The following CELF2 variants were observed in gnomAD, a reference collection of about 807,000 sequenced individuals.
CELF2 encodes CUGBP Elav-like family member 2, also known as CUG triplet repeat RNA-binding protein 2.
A neutral mutation model predicts 62.6 loss-of-function variants in CELF2; 8 were observed. That is an observed-to-expected ratio of 0.13 (90% confidence interval 0.07 to 0.23). The LOEUF is 0.23. Among genes scored for constraint, CELF2 ranks in the 10% least tolerant of loss-of-function variants. The pLI is 1.00. For missense variants in CELF2, 333 were observed against 671.0 expected, an observed-to-expected ratio of 0.50 and a Z score of 5.56; for synonymous variants, 258 against 250.0, an observed-to-expected ratio of 1.03 and a Z score of -0.30.
chr10:10,939,951 C>G (rs2046872713), intron 2 of CELF2, among the ~76,000 whole-genome samples: 1 of 152,094 alleles, frequency 6.6e-6, no homozygotes, highest in Non-Finnish European at 1.5e-5. Context: ...GAGGCTCCAT[C>G]TCAAAAAATA....
the CELF2 span, among the ~76,000 whole-genome samples, chr10:10,578,471 C>A: frequency 6.6e-6 from 1 of 152,108 alleles, no homozygotes; most frequent in Non-Finnish European, 1.5e-5. Context: ...CTTAGGTTTT[C>A]TTCTAGGGTT....
At chr10:10,901,183 T>A (rs2062912401) in intron 1 of CELF2, among the ~76,000 whole-genome samples, 1 of 152,178 alleles carries the variant, frequency 6.6e-6, no homozygotes, top group Admixed American at 6.5e-5. Flanking sequence ...TTGGTAAAAT[T>A]CATGTGGACA....
chr10:10,968,589 T>C (rs1206029707), intron 2 of CELF2, among the ~76,000 whole-genome samples: 1 of 152,198 alleles, frequency 6.6e-6, no homozygotes, highest in African/African-American at 2.4e-5. Context: ...TTGAAAAGCG[T>C]AACTAATATA....
At chr10:10,691,197 C>T in the CELF2 span, among the ~76,000 whole-genome samples, 1 of 151,736 alleles carries the variant, frequency 6.6e-6, no homozygotes, top group Non-Finnish European at 1.5e-5. Flanking sequence ...TGATGTTCCC[C>T]TTCCTGTGTC....
intron 9 of CELF2, among the ~76,000 whole-genome samples, chr10:11,292,491 AT>A (rs1465067747): frequency 6.6e-6 from 1 of 152,246 alleles, no homozygotes; most frequent in East Asian, 1.9e-4. Context: ...GAGAACTTGC[AT>A]TAGGCAAAGA....
rs1206870941 is a variant in CELF2, at chr10:11,320,891, TAAC to T, written c.1097-294_1097-292del. On this transcript the variant is annotated intron_variant, in intron 10 of 12. Coordinates refer to ENST00000633077, the MANE Select transcript of CELF2 (RefSeq NM_001326342.2). ...GCAAAAGGCTTTTACTTCCAAAAGA[TAAC>T]AACGGTACTTGCCAGTAGCACGCTG... is the stretch of plus-strand genomic sequence containing the variant. 14 of 1,546,490 alleles carry T rather than the reference TAAC, an allele frequency of 9.1e-6. No homozygotes were observed. In the Admixed American group the frequency reaches 1.8e-4, roughly 20 times the overall value.
chr10:10,957,786 C>T lies in CELF2; in HGVS notation c.89+37787C>T, dbSNP rs1035315708. Among the ~76,000 whole-genome samples, 2 of 152,190 alleles carry T rather than the reference C, an allele frequency of 1.3e-5. No homozygotes were observed. The highest frequency in any genetic ancestry group is 2.1e-4 in the South Asian group (1 of 4,830). On this transcript the variant is annotated intron_variant, in intron 2 of 13. Coordinates refer to the CELF2 transcript ENST00000636488. This position sits in a 1 kb window ranked among gnomAD's most constrained non-coding sequence, Gnocchi z 4.1. ...CACGGGCCCTTTAACTCACAAACCACGTTTTTCATCGGTTTTCCCCATCTT... is the reference window on the plus strand; with the variant it reads ...CACGGGCCCTTTAACTCACAAACCATGTTTTTCATCGGTTTTCCCCATCTT...
rs545184982 is a variant in CELF2, at chr10:11,324,446, T to G, written c.1295-1390T>G. 9.2e-5 allele frequency among the ~76,000 whole-genome samples: 14 copies of G among 152,354 alleles called. No homozygotes were observed. The highest frequency in any genetic ancestry group is 3.1e-4 in the African/African-American group (13 of 41,586). The stretch of plus-strand genomic sequence containing the variant: ...TTGATTCCCTTAAAACCAGAAAACA[T>G]CTGGGGACCAAAGGCCCCCCTGCAA... On this transcript the variant is annotated intron_variant, in intron 11 of 12. Transcript: ENST00000633077. The surrounding 1 kb of genome is among the most constrained non-coding windows in gnomAD (Gnocchi z 4.7).
At position 11,165,348 on chromosome 10, in the gene CELF2, T is replaced by C; in HGVS notation, c.75-138T>C. 6.8e-7 allele frequency: 1 copy of C among 1,472,476 alleles called. No homozygotes were observed. Among genetic ancestry groups the C allele is most frequent in the Non-Finnish European group, 9.0e-7 (1 of 1,116,772 alleles). The allele number at this position is 1,472,476 out of a possible 1,614,324, so 91.2% of individuals were successfully genotyped here. ...TCCGCTTTGTTTTAGTTCATCAAAT[T>C]TCTACGACTCATTAGGCACTTTGCC... On this transcript the variant is annotated intron_variant, in intron 1 of 12. Transcript: ENST00000633077. The surrounding 1 kb of genome is among the most constrained non-coding windows in gnomAD (Gnocchi z 7.4).
chr10:11,322,324 C>T (rs2095485326), intron 11 of CELF2, among the ~76,000 whole-genome samples: 2 of 152,176 alleles, frequency 1.3e-5, no homozygotes, highest in Admixed American at 1.3e-4. Context: ...CCTTGCTTCT[C>T]TGCCAGTAAA....
the CELF2 span, among the ~76,000 whole-genome samples, chr10:10,656,024 A>C: frequency 4.4e-3 from 655 of 150,526 alleles, 3 homozygotes; most frequent in African/African-American, 0.015. Context: ...ACAAATTTAC[A>C]AGAAAAAAAA....
chr10:11,105,597 G>GT (rs1382497243), intron 1 of CELF2: 1 of 152,252 alleles, frequency 6.6e-6, no homozygotes. Flanking sequence ...TGGCCACTGG[G>GT]TTTTCATTTT....
At chr10:11,264,535 T>C (rs1257455831) in intron 5 of CELF2, among the ~76,000 whole-genome samples, 1 of 152,270 alleles carries the variant, frequency 6.6e-6, no homozygotes, top group Non-Finnish European at 1.5e-5. Context: ...TCCTCCCTTG[T>C]AGTTTCAAGA....
chr10:10,843,774 T>C (rs2058834642), intron 1 of CELF2, among the ~76,000 whole-genome samples: 1 of 152,076 alleles, frequency 6.6e-6, no homozygotes, highest in African/African-American at 2.4e-5. Flanking sequence ...GACGACATTT[T>C]GACTTTTGAA....
At chr10:10,950,846 G>T (rs1008160856) in intron 2 of CELF2, among the ~76,000 whole-genome samples, 1 of 152,322 alleles carries the variant, frequency 6.6e-6, no homozygotes, top group East Asian at 1.9e-4. Context: ...CAAAAAGTGT[G>T]TCATCCTTGG....
chr10:11,227,681 G>A lies in CELF2; in HGVS notation c.354+10174G>A, dbSNP rs1027843300. Among the ~76,000 whole-genome samples, 3 of 152,180 alleles carry A rather than the reference G, an allele frequency of 2.0e-5. No individual in the cohort carries two copies. Among genetic ancestry groups the A allele is most frequent in the Non-Finnish European group, 2.9e-5 (2 of 68,030 alleles). On this transcript the variant is annotated intron_variant, in intron 3 of 12. Transcript: ENST00000633077. The surrounding 1 kb of genome is among the most constrained non-coding windows in gnomAD (Gnocchi z 4.8). ...GGAAGCTCAGGCTACCTCTATCTTA[G>A]TTACAACAGTCAGAGCTCATGATGT...
the CELF2 span, among the ~76,000 whole-genome samples, chr10:10,685,493 C>T: frequency 6.6e-6 from 1 of 152,164 alleles, no homozygotes; most frequent in Non-Finnish European, 1.5e-5. Flanking sequence ...ATGGCAATCA[C>T]ATACGATACA....
chr10:11,060,076 G>A (rs1318003176), intron 1 of CELF2, among the ~76,000 whole-genome samples: 3 of 152,158 alleles, frequency 2.0e-5, no homozygotes, highest in Non-Finnish European at 4.4e-5. Flanking sequence ...TAAGAGAGTT[G>A]GTGCTGTTGA....
At chr10:10,981,858 G>A (rs1008756764) in intron 2 of CELF2, among the ~76,000 whole-genome samples, 2 of 151,950 alleles carry the variant, frequency 1.3e-5, no homozygotes, top group Non-Finnish European at 2.9e-5. Flanking sequence ...GGCTTAGAAA[G>A]GCTACACAGT....
Sources: allele counts gnomAD v4.1 joint callset (sites outside exome capture counted in the v4.1 genomes callset), GRCh38; gene constraint gnomAD v4.1.1; non-coding constraint Gnocchi (gnomAD v3.1); transcripts MANE v1.5; gene names NCBI Gene and HGNC (gene_info 2026-07-23, HGNC 2026-07-21).